ADAMTSL3: variants seen among roughly 807,000 people sequenced by gnomAD.
ADAMTSL3 encodes ADAMTS-like protein 3.
A neutral mutation model predicts 201.7 loss-of-function variants in ADAMTSL3; 128 were observed. The ratio of observed to expected loss-of-function variants is 0.63; its 90% CI spans 0.55 to 0.73. The LOEUF (loss-of-function observed/expected upper bound fraction) is 0.73, where lower values mean the gene tolerates loss of function less well. Among genes scored for constraint, ADAMTSL3 ranks in the 30% least tolerant of loss-of-function variants. The pLI, the probability that ADAMTSL3 is intolerant of heterozygous loss-of-function variation, is 0.00. For missense variants in ADAMTSL3, 1,990 were observed against 2,119.6 expected (o/e 0.94, Z 1.20); for synonymous variants, 738 against 748.4 (o/e 0.99, Z 0.23).
chr15:83,902,709 CT>C (rs763167880), intron 15 of ADAMTSL3, among the ~76,000 whole-genome samples: 3 of 151,922 alleles, frequency 2.0e-5, no homozygotes, highest in Non-Finnish European at 4.4e-5. Flanking sequence ...TGGCCACCTC[CT>C]TTTTTTTGCC....
chr15:83,893,735 C>G (rs1049192774), intron 13 of ADAMTSL3, among the ~76,000 whole-genome samples: 1 of 152,104 alleles, frequency 6.6e-6, no homozygotes, highest in Non-Finnish European at 1.5e-5. Flanking sequence ...GTCAAATTAG[C>G]GTAGTTTTCA....
chr15:83,814,866 T>C (rs1411036207), intron 5 of ADAMTSL3, among the ~76,000 whole-genome samples: 1 of 152,192 alleles, frequency 6.6e-6, no homozygotes, highest in East Asian at 1.9e-4. Context: ...TCTCAGGTAA[T>C]GGCCTGTCTC....
rs540371588 is a variant in ADAMTSL3, at chr15:83,680,454, C to T, written c.70-23935C>T. 8.0e-4 allele frequency among the ~76,000 whole-genome samples: 120 copies of T among 149,824 alleles called. 1 individual carries two copies. Among genetic ancestry groups the T allele is most frequent in the Middle Eastern group, 7.1e-3 (2 of 282 alleles). ...TCCTTTTTGTAATCTTTGATAATTT[C>T]GATACTTTTACTAAGATATGACTAG... On this transcript the variant is annotated intron_variant, in intron 2 of 29. Transcript: ENST00000286744.
chr15:83,687,025 TACAA>T (rs58242834), intron 2 of ADAMTSL3, among the ~76,000 whole-genome samples: 6,466 of 149,750 alleles, frequency 0.043, 218 homozygotes, highest in African/African-American at 0.094. Flanking sequence ...ACCCTGTCTC[TACAA>T]ACAAACAAAC....
chr15:83,698,243 G>C (rs1046124304), intron 2 of ADAMTSL3, among the ~76,000 whole-genome samples: 1 of 152,010 alleles, frequency 6.6e-6, no homozygotes, highest in African/African-American at 2.4e-5. Flanking sequence ...AGTTATTCTT[G>C]ACCCTTTACA....
intron 2 of ADAMTSL3, among the ~76,000 whole-genome samples, chr15:83,703,677 C>CT (rs535209598): frequency 2.0e-4 from 31 of 152,290 alleles, no homozygotes; most frequent in African/African-American, 7.5e-4. Context: ...ACGTGGAACT[C>CT]TAAGTCCAAT....
At chr15:83,715,951 A>G (rs765372389) in intron 3 of ADAMTSL3, among the ~76,000 whole-genome samples, 1 of 152,194 alleles carries the variant, frequency 6.6e-6, no homozygotes, top group Non-Finnish European at 1.5e-5. Context: ...TTTTCAGTGA[A>G]GTCCTCAGCC....
At position 84,037,010 on chromosome 15, in the gene ADAMTSL3, T is replaced by A. The variant is rs539336830; in HGVS notation, c.4969+23T>A. 1.5e-4 allele frequency: 243 copies of A among 1,610,370 alleles called. 9 individuals are homozygous for A. The South Asian group carries it at 2.6e-3, about 17-fold the overall frequency. On this transcript the variant is annotated intron_variant, in intron 29 of 29. Transcript: ENST00000286744. ...ATAGTACGTACACCTCCCAGGTATC[T>A]CCACTGCCCCAGAGGCCTTGATGGC...
chr15:84,003,087 C>G, intron 23 of ADAMTSL3, among the ~76,000 whole-genome samples: 1 of 151,438 alleles, frequency 6.6e-6, no homozygotes, highest in East Asian at 1.9e-4. Flanking sequence ...CCCCTTGAGA[C>G]TACAGCCATG....
chr15:83,654,470 C>T lies in ADAMTSL3; in HGVS notation c.-34+194C>T, dbSNP rs74024524. 6.6e-6 allele frequency among the ~76,000 whole-genome samples: 1 copy of T among 152,120 alleles called. No homozygotes were observed. The highest frequency in any genetic ancestry group is 2.4e-5 in the African/African-American group (1 of 41,528). On this transcript the variant is annotated intron_variant, in intron 1 of 29. Coordinates refer to ENST00000286744, the MANE Select transcript of ADAMTSL3 (RefSeq NM_207517.3). The surrounding 1 kb of genome is among the most constrained non-coding windows in gnomAD (Gnocchi z 5.3). ...TCACTGCTGGGCACCTCGGGTCGGGCGCGCTTCGTGCCGTCCCGGAAGGTT... is the reference window on the plus strand; with the variant it reads ...TCACTGCTGGGCACCTCGGGTCGGGTGCGCTTCGTGCCGTCCCGGAAGGTT...
chr15:83,825,401 A>G (rs2064000526), intron 6 of ADAMTSL3, among the ~76,000 whole-genome samples: 1 of 152,154 alleles, frequency 6.6e-6, no homozygotes, highest in Non-Finnish European at 1.5e-5. Flanking sequence ...CGTTAAGCCT[A>G]GGAGTTCGAG....
Position 83,826,939 on chromosome 15 carries a change from T to G in ADAMTSL3, c.600+6892T>G, listed in dbSNP as rs1596281423. ...TGGACATTTGGGTTTGTTCCAAGTC[T>G]TTGCTTTTGTGAATAGTGCCGTAAT... On this transcript the variant is annotated intron_variant, in intron 6 of 29. Coordinates refer to ENST00000286744, the MANE Select transcript of ADAMTSL3 (RefSeq NM_207517.3). Among the ~76,000 whole-genome samples the G allele has an allele frequency of 2.6e-5, 4 of 152,288 alleles. No individual in the cohort carries two copies. The South Asian group carries it at 8.3e-4, about 32-fold the overall frequency.
chr15:83,680,340 T>A (rs1172332263), intron 2 of ADAMTSL3, among the ~76,000 whole-genome samples: 1 of 152,100 alleles, frequency 6.6e-6, no homozygotes, highest in Non-Finnish European at 1.5e-5. Context: ...TTATGATGGT[T>A]TGTGTGATTA....
chr15:83,875,640 G>A (rs1391744027), intron 9 of ADAMTSL3, among the ~76,000 whole-genome samples: 1 of 151,966 alleles, frequency 6.6e-6, no homozygotes, highest in African/African-American at 2.4e-5. Context: ...AAAATTAGCT[G>A]GGCATGGTGG....
chr15:83,784,054 A>G (rs2063220677), intron 4 of ADAMTSL3, among the ~76,000 whole-genome samples: 1 of 152,186 alleles, frequency 6.6e-6, no homozygotes, highest in Non-Finnish European at 1.5e-5. Context: ...AGTTGAAGGC[A>G]TTCACAAGAA....
rs2063836268 is a variant in ADAMTSL3 at position 83,820,030 on chromosome 15, A to G, written c.583A>G (p.Ile195Val). The change falls in exon 6 of 30, where the codon ATC (isoleucine) becomes GTC (valine). Residue 195 changes from isoleucine to valine, a missense_variant. Physicochemically the swap from Ile to Val is conservative, Grantham distance 29 (BLOSUM62 3). Coordinates refer to ENST00000286744, the MANE Select transcript of ADAMTSL3 (RefSeq NM_207517.3). ...CAACACGGACTCCTTGGACATGTGT[A>G]TCAGTGGCATCTGTCAGGTAAGCAC... The part of the protein sequence containing the change: ...RCNTDSLDMC[I>V]SGICQAVGCD... 2 of 1,614,068 alleles carry G rather than the reference A, an allele frequency of 1.2e-6. No individual in the cohort carries two copies.
chr15:83,903,993 G>C (rs1200538665), intron 15 of ADAMTSL3, among the ~76,000 whole-genome samples: 2 of 149,606 alleles, frequency 1.3e-5, no homozygotes, highest in Non-Finnish European at 3.0e-5. Flanking sequence ...TGAGGTTCAG[G>C]CCCCATATTC....
chr15:84,032,281 T>G (rs904588988), intron 28 of ADAMTSL3, among the ~76,000 whole-genome samples: 1 of 152,244 alleles, frequency 6.6e-6, no homozygotes, highest in Non-Finnish European at 1.5e-5. Context: ...TCCTTTTCCA[T>G]GTCCTGAGTC....
At chr15:83,995,211 C>T (rs564319797) in intron 23 of ADAMTSL3, among the ~76,000 whole-genome samples, 1 of 152,294 alleles carries the variant, frequency 6.6e-6, no homozygotes, top group Admixed American at 6.5e-5. Flanking sequence ...GGAGCAGGGA[C>T]ACTGAGTTCC....
Sources: gnomAD v4.1 joint callset for allele counts (sites outside exome capture counted in the v4.1 genomes callset) on GRCh38, gnomAD v4.1.1 for gene constraint, Gnocchi (gnomAD v3.1) non-coding constraint, MANE v1.5 for transcripts, NCBI Gene and HGNC (gene_info 2026-07-23, HGNC 2026-07-21) for gene names.